LAMC2: variants seen among roughly 807,000 people sequenced by gnomAD.
The protein encoded by LAMC2 is laminin subunit gamma-2.
In LAMC2, 97 loss-of-function variants were observed where a neutral mutation model predicts 140.2. The ratio of observed to expected loss-of-function variants is 0.69; its 90% CI spans 0.59 to 0.82. LAMC2 has a LOEUF of 0.82. Ranked by LOEUF, LAMC2 falls within the 40% of genes least tolerant of loss-of-function variation. The pLI, the probability that LAMC2 is intolerant of heterozygous loss-of-function variation, is 0.00. For synonymous variants in LAMC2, 513 were observed against 540.2 expected (o/e 0.95, Z 0.70); for missense variants, 1,402 against 1,476.1 (o/e 0.95, Z 0.82).
chr1:183,216,384 C>A (rs2102211677), intron 3 of LAMC2, among the ~76,000 whole-genome samples: 1 of 152,348 alleles, frequency 6.6e-6, no homozygotes, highest in Non-Finnish European at 1.5e-5. Context: ...ACATAACCCT[C>A]TGTTAGCTCC....
chr1:183,230,038 G>T (rs1166216278), intron 11 of LAMC2, among the ~76,000 whole-genome samples: 2 of 152,148 alleles, frequency 1.3e-5, no homozygotes, highest in African/African-American at 4.8e-5. Flanking sequence ...CGAAGTGGTG[G>T]ATACAAGAAA....
chr1:183,224,673 T>TACACACACACAC (rs3064952), intron 7 of LAMC2, among the ~76,000 whole-genome samples: 163 of 147,990 alleles, frequency 1.1e-3, no homozygotes, highest in African/African-American at 3.9e-3. Context: ...GTTCTAATGA[T>TACACACACACAC]ACACACACAC....
intron 2 of LAMC2, among the ~76,000 whole-genome samples, chr1:183,212,185 T>C (rs1355022675): frequency 6.6e-6 from 1 of 152,230 alleles, no homozygotes; most frequent in Non-Finnish European, 1.5e-5. Context: ...GTAATAAATT[T>C]GGATGCAGAA....
At chr1:183,223,957 T>C (rs1295204470) in intron 7 of LAMC2, among the ~76,000 whole-genome samples, 1 of 152,164 alleles carries the variant, frequency 6.6e-6, no homozygotes, top group African/African-American at 2.4e-5. Context: ...AAGTGCTCAG[T>C]AGTGCACTGG....
At chr1:183,221,585 C>T (rs1055217867) in intron 5 of LAMC2, among the ~76,000 whole-genome samples, 11 of 151,876 alleles carry the variant, frequency 7.2e-5, no homozygotes, top group African/African-American at 1.9e-4. Context: ...AAAAATTAGC[C>T]GGGCGTAGTG....
rs377208927 is a variant in LAMC2 at position 183,232,348 on chromosome 1, T to C, written c.2014+5T>C. On this transcript the variant is annotated splice_donor_5th_base_variant and intron_variant, in intron 13 of 22. Transcript: ENST00000264144. ...GAGATGCCCAGATTTCAGAAGGTGA[T>C]GAAGGCCAACTTCCCTTCAGACAGA... is the stretch of plus-strand genomic sequence containing the variant. 1.8e-4 allele frequency: 287 copies of C among 1,613,952 alleles called. No individual in the cohort carries two copies. The highest frequency in any genetic ancestry group is 3.4e-4 in the Middle Eastern group (2 of 5,928).
At position 183,223,212 on chromosome 1, in the gene LAMC2, C is replaced by T. The variant is rs746992081; in HGVS notation, c.841C>T (p.His281Tyr). The change falls in exon 7 of 23, where the codon CAC becomes TAC. Residue 281 changes from histidine (H) to tyrosine (Y), a missense_variant. By Grantham distance (83) the His-to-Tyr change is moderately conservative (BLOSUM62 2). Around this residue, in one of 3 missense-constraint regions of LAMC2, gnomAD observed 723 missense variants for 783.3 expected, o/e 0.92. Transcript: ENST00000264144. ...CTACCGTGTGGACAGAGGAGGCAGA[C>T]ACCCATCTGCCCATGATGTGATTCT... ...FDYRVDRGGR[H>Y]PSAHDVILEG... The T allele has an allele frequency of 6.2e-6, 10 of 1,613,634 alleles. No homozygotes were observed. Among genetic ancestry groups the T allele is most frequent in the South Asian group, 2.2e-5 (2 of 91,074 alleles).
rs760957428 is a variant in LAMC2 at position 183,227,553 on chromosome 1, T to G, written c.1324T>G (p.Cys442Gly). Residue 442 changes from cysteine to glycine, a missense_variant, in exon 10 of 23, where the codon TGT (cysteine) becomes GGT (glycine). By Grantham distance (159) the Cys-to-Gly change is radical. Transcript: ENST00000264144. ...YSGDENPDIE[C>G]ADCPIGFYND... is the part of the protein sequence containing the mutation. ...AGGGGATGAGAATCCTGACATTGAG[T>G]GTGCTGACTGCCCAATTGGTTTCTA... The G allele has an allele frequency of 1.6e-5, 26 of 1,614,108 alleles. No homozygotes were observed. The highest frequency in any genetic ancestry group is 2.2e-5 in the Non-Finnish European group (26 of 1,180,010).
chr1:183,198,873 C>G (rs1442988603), intron 1 of LAMC2, among the ~76,000 whole-genome samples: 1 of 152,184 alleles, frequency 6.6e-6, no homozygotes, highest in Non-Finnish European at 1.5e-5. Context: ...GAGCAGCAAC[C>G]TGAAAGTCCC....
At chr1:183,212,597 C>G (rs549481763) in intron 2 of LAMC2, among the ~76,000 whole-genome samples, 1 of 152,282 alleles carries the variant, frequency 6.6e-6, no homozygotes, top group African/African-American at 2.4e-5. Flanking sequence ...TCTCCATCTA[C>G]TTCTGGACTG....
intron 1 of LAMC2, among the ~76,000 whole-genome samples, chr1:183,192,281 T>A (rs961340019): frequency 6.6e-6 from 1 of 152,208 alleles, no homozygotes; most frequent in Non-Finnish European, 1.5e-5. Context: ...TTATTTATTG[T>A]GGGGATATGT....
At chr1:183,193,835 G>T (rs1366432307) in intron 1 of LAMC2, among the ~76,000 whole-genome samples, 4 of 135,410 alleles carry the variant, frequency 3.0e-5, no homozygotes, top group Admixed American at 7.7e-5. Flanking sequence ...AGTCTTCATG[G>T]TCCAGTCTCT....
chr1:183,216,658 C>T (rs1360356770), intron 3 of LAMC2, among the ~76,000 whole-genome samples: 1 of 152,198 alleles, frequency 6.6e-6, no homozygotes, highest in East Asian at 1.9e-4. Context: ...TATCTCCTCA[C>T]AGAGGCCTTC....
chr1:183,253,091 A>G, the LAMC2 span, among the ~76,000 whole-genome samples: 1 of 152,122 alleles, frequency 6.6e-6, no homozygotes, highest in Non-Finnish European at 1.5e-5. Context: ...AGAGTGCCAG[A>G]CACACAGTGG....
chr1:183,233,513 G>A lies in LAMC2; in HGVS notation c.2220+656G>A, dbSNP rs1457084186. On this transcript the variant is annotated intron_variant, in intron 14 of 22. Coordinates refer to ENST00000264144, the MANE Select transcript of LAMC2 (RefSeq NM_005562.3). ...TAATGTAAATGGATGGGTGGGAGAT[G>A]AATAGAGGAAGTGGAATGATAATCA... Among the ~76,000 whole-genome samples, 3 of 152,160 alleles carry A rather than the reference G, an allele frequency of 2.0e-5. No homozygotes were observed. The East Asian group carries it at 5.8e-4, about 29-fold the overall frequency.
intron 1 of LAMC2, among the ~76,000 whole-genome samples, chr1:183,200,035 T>C (rs1447136586): frequency 6.6e-6 from 1 of 152,224 alleles, no homozygotes; most frequent in Non-Finnish European, 1.5e-5. Context: ...ATTTCACAGA[T>C]TATACAAAGA....
At position 183,232,177 on chromosome 1, in the gene LAMC2, G is replaced by C; in HGVS notation, c.1858-10G>C. 6.2e-7 allele frequency: 1 copy of C among 1,613,534 alleles called. No homozygotes were observed. The highest frequency in any genetic ancestry group is 2.2e-5 in the East Asian group (1 of 44,876). ...CCACCCTCGTTCTGATCTTTCCTGT[G>C]TGGTTTCAGATGGATCAGTTTATGC... On this transcript the variant is annotated splice_polypyrimidine_tract_variant and intron_variant, in intron 12 of 22. Transcript: ENST00000264144.
At chr1:183,255,664 T>G in the LAMC2 span, among the ~76,000 whole-genome samples, 17 of 10,716 alleles carry the variant, frequency 1.6e-3, no homozygotes, top group East Asian at 0.018. Flanking sequence ...TCCTAAGGGT[T>G]TTTTTTTTTT....
intron 1 of LAMC2, among the ~76,000 whole-genome samples, chr1:183,192,448 G>A (rs1026043716): frequency 2.0e-5 from 3 of 152,078 alleles, no homozygotes; most frequent in Non-Finnish European, 2.9e-5. Flanking sequence ...TTACAGTATC[G>A]TAGAACTAAA....
Sources: allele counts gnomAD v4.1 joint callset (sites outside exome capture counted in the v4.1 genomes callset), GRCh38; gene constraint gnomAD v4.1.1; regional missense constraint gnomAD v4.1.1; transcripts MANE v1.5; gene names NCBI Gene and HGNC (gene_info 2026-07-23, HGNC 2026-07-21).